The following ADAMTS14 variants were observed in gnomAD, a reference collection of about 807,000 sequenced individuals.
ADAMTS14 encodes ADAM metallopeptidase with thrombospondin type 1 motif 14.
A neutral mutation model predicts 128.6 loss-of-function variants in ADAMTS14; 100 were observed. The ratio of observed to expected loss-of-function variants is 0.78; its 90% CI spans 0.66 to 0.92. The LOEUF is 0.92. Among genes scored for constraint, ADAMTS14 ranks in the 40% least tolerant of loss-of-function variants. ADAMTS14 has a pLI of 0.00. For missense variants in ADAMTS14, 1,562 were observed against 1,658.6 expected (o/e 0.94, Z 1.01); for synonymous variants, 665 against 653.8 (o/e 1.02, Z -0.26).
intron 15 of ADAMTS14, among the ~76,000 whole-genome samples, chr10:70,746,403 G>A (rs757174211): frequency 2.6e-5 from 4 of 152,210 alleles, no homozygotes; most frequent in African/African-American, 4.8e-5. Flanking sequence ...GAATAGATCC[G>A]TGGCTGCCAG....
chr10:70,729,889 C>CA (rs1170536418), intron 5 of ADAMTS14, among the ~76,000 whole-genome samples: 1 of 152,244 alleles, frequency 6.6e-6, no homozygotes, highest in African/African-American at 2.4e-5. Context: ...GGCAGAAACG[C>CA]ATCTCAGCAT....
At chr10:70,709,601 C>T (rs868755522) in intron 4 of ADAMTS14, among the ~76,000 whole-genome samples, 2 of 142,706 alleles carry the variant, frequency 1.4e-5, no homozygotes, top group African/African-American at 2.6e-5. Flanking sequence ...CCCGGGTTCA[C>T]GCCATTCTCC....
At chr10:70,745,629 A>C (rs562775454) in intron 15 of ADAMTS14, among the ~76,000 whole-genome samples, 1 of 152,212 alleles carries the variant, frequency 6.6e-6, no homozygotes, top group South Asian at 2.1e-4. Flanking sequence ...AAGGAAAGCC[A>C]TGTTCACAGA....
At chr10:70,713,065 A>G (rs1015564260) in intron 4 of ADAMTS14, among the ~76,000 whole-genome samples, 2 of 152,066 alleles carry the variant, frequency 1.3e-5, no homozygotes, top group Non-Finnish European at 2.9e-5. Flanking sequence ...GGGGACCACA[A>G]AGTTGTCTTG....
At chr10:70,696,283 G>C (rs774778352) in intron 2 of ADAMTS14, among the ~76,000 whole-genome samples, 8 of 151,990 alleles carry the variant, frequency 5.3e-5, no homozygotes, top group Non-Finnish European at 8.8e-5. Flanking sequence ...CCACAGAAGA[G>C]GAGAAGGGGC....
At chr10:70,678,167 C>T (rs1011782450) in intron 2 of ADAMTS14, among the ~76,000 whole-genome samples, 7 of 152,202 alleles carry the variant, frequency 4.6e-5, no homozygotes, top group Non-Finnish European at 1.0e-4. Flanking sequence ...GGCGGAGATA[C>T]GAAGATAATA....
intron 19 of ADAMTS14, among the ~76,000 whole-genome samples, chr10:70,757,758 T>C (rs1285406658): frequency 6.6e-6 from 1 of 152,130 alleles, no homozygotes; most frequent in Non-Finnish European, 1.5e-5. Context: ...ATCAGGACTA[T>C]TTGGCAACAG....
chr10:70,719,889 G>A (rs1450480475), intron 4 of ADAMTS14, among the ~76,000 whole-genome samples: 5 of 152,236 alleles, frequency 3.3e-5, no homozygotes, highest in South Asian at 4.1e-4. Context: ...GTGGTGAGAC[G>A]TGGCAGAGCT....
chr10:70,677,594 A>G (rs77519480), intron 2 of ADAMTS14, among the ~76,000 whole-genome samples: 2,108 of 152,206 alleles, frequency 0.014, 44 homozygotes, highest in East Asian at 0.093. Flanking sequence ...GGTGAGGGGC[A>G]GAAATGGACT....
intron 3 of ADAMTS14, among the ~76,000 whole-genome samples, chr10:70,703,230 T>C (rs529036906): frequency 2.6e-5 from 4 of 152,302 alleles, no homozygotes; most frequent in East Asian, 1.9e-4. Flanking sequence ...TCAAGACTTA[T>C]GGTTGGGCGA....
chr10:70,739,119 C>T, intron 11 of ADAMTS14, 129 bp downstream of exon 11: 1 of 1,148,830 alleles, frequency 8.7e-7, no homozygotes, highest in South Asian at 1.6e-5. Context: ...TATGCTAACG[C>T]ATGAGGACAC....
chr10:70,701,385 T>A (rs1840487665), intron 2 of ADAMTS14, among the ~76,000 whole-genome samples: 2 of 152,212 alleles, frequency 1.3e-5, no homozygotes, highest in South Asian at 4.1e-4. Flanking sequence ...GTCGAACGAG[T>A]GAAGGAATTC....
chr10:70,757,328 A>T (rs921853360), intron 19 of ADAMTS14, among the ~76,000 whole-genome samples: 1 of 152,078 alleles, frequency 6.6e-6, no homozygotes, highest in African/African-American at 2.4e-5. Context: ...GACACTTTTG[A>T]ACATACTTCT....
chr10:70,705,964 C>T (rs1385632875), intron 3 of ADAMTS14, among the ~76,000 whole-genome samples: 1 of 152,232 alleles, frequency 6.6e-6, no homozygotes, highest in Non-Finnish European at 1.5e-5. Context: ...ATTACTGGGT[C>T]ACATGGCACC....
In ADAMTS14 at chr10:70,729,388, T is replaced by A; in HGVS notation, c.954+11T>A. 6.2e-7 allele frequency: 1 copy of A among 1,610,834 alleles called. No individual in the cohort carries two copies. On this transcript the variant is annotated intron_variant, in intron 5 of 21. Transcript: ENST00000373207. Reference sequence around the variant, plus strand: ...GTTGGCTACCGACAGGTAAACCACCTTGTCAGCAGGCAGGGTTTGCGGGGA... The same window carrying A: ...GTTGGCTACCGACAGGTAAACCACCATGTCAGCAGGCAGGGTTTGCGGGGA...
chr10:70,728,968 C>T (rs1841531669), intron 4 of ADAMTS14, among the ~76,000 whole-genome samples: 1 of 152,196 alleles, frequency 6.6e-6, no homozygotes, highest in Admixed American at 6.5e-5. Context: ...GGAAGAGGCT[C>T]TCCAGACGTG....
chr10:70,732,285 CCT>C lies in ADAMTS14; in HGVS notation c.1135_1136del (p.Leu379GlufsTer8). ...YAPVTGMCHP[L>X]RSCALNHEDG... The stretch of plus-strand genomic sequence containing the variant: ...CACCCGTCACTGGCATGTGTCACCC[CCT>C]GAGGAGCTGTGCCCTCAACCATGAG... On this transcript the variant is annotated frameshift_variant, in exon 7 of 22. Coordinates refer to ENST00000373207, the MANE Select transcript of ADAMTS14 (RefSeq NM_080722.4). LOFTEE classifies it high-confidence loss of function. The C allele has an allele frequency of 1.2e-6, 2 of 1,614,198 alleles. No homozygotes were observed. The highest frequency in any genetic ancestry group is 1.7e-6 in the Non-Finnish European group (2 of 1,180,030).
intron 15 of ADAMTS14, among the ~76,000 whole-genome samples, chr10:70,747,542 C>T (rs1324682756): frequency 6.6e-6 from 1 of 152,200 alleles, no homozygotes; most frequent in Non-Finnish European, 1.5e-5. Context: ...CTCACGGACA[C>T]TGCATCCCCA....
At chr10:70,757,373 T>G (rs987701432) in intron 19 of ADAMTS14, among the ~76,000 whole-genome samples, 1 of 152,134 alleles carries the variant, frequency 6.6e-6, no homozygotes, top group African/African-American at 2.4e-5. Flanking sequence ...GTCACAAGAT[T>G]ATTGACTATC....
Sources: allele counts gnomAD v4.1 joint callset (sites outside exome capture counted in the v4.1 genomes callset), GRCh38; gene constraint gnomAD v4.1.1; transcripts MANE v1.5; gene names NCBI Gene and HGNC (gene_info 2026-07-23, HGNC 2026-07-21).